Variants in ZNF407 observed in about 807,000 individuals in gnomAD.
The protein encoded by ZNF407 is zinc finger protein 407.
ZNF407 carries 17 observed loss-of-function variants against 131.2 expected under a neutral mutation model. The observed-to-expected ratio is 0.13, with a 90% CI of 0.09 to 0.19. The LOEUF is 0.19. Among genes scored for constraint, ZNF407 ranks in the 10% least tolerant of loss-of-function variants. The pLI is 1.00. For missense variants in ZNF407, 2,681 were observed against 2,830.6 expected (o/e 0.95, Z 1.20); for synonymous variants, 1,156 against 1,062.0 (o/e 1.09, Z -1.72).
At chr18:74,705,233 T>C (rs943379279) in intron 3 of ZNF407, among the ~76,000 whole-genome samples, 1 of 152,124 alleles carries the variant, frequency 6.6e-6, no homozygotes, top group Non-Finnish European at 1.5e-5. Flanking sequence ...GATTTCACTT[T>C]TTGTCTGCTT....
chr18:74,613,708 CA>C (rs1983163111), intron 1 of ZNF407, among the ~76,000 whole-genome samples: 1 of 152,192 alleles, frequency 6.6e-6, no homozygotes, highest in African/African-American at 2.4e-5. Context: ...CTAAATTTAG[CA>C]AATCCAAATT....
chr18:74,878,649 A>G (rs1308294317), intron 5 of ZNF407, among the ~76,000 whole-genome samples: 1 of 152,178 alleles, frequency 6.6e-6, no homozygotes, highest in Non-Finnish European at 1.5e-5. Context: ...CTAATAGAAA[A>G]TAAAGGATTA....
At chr18:74,765,258 G>A (rs1174776607) in intron 3 of ZNF407, among the ~76,000 whole-genome samples, 1 of 151,966 alleles carries the variant, frequency 6.6e-6, no homozygotes, top group East Asian at 1.9e-4. Context: ...TGTTCATTCT[G>A]GGTTGGTTGT....
chr18:74,668,272 A>T (rs1448533762), intron 3 of ZNF407, among the ~76,000 whole-genome samples: 2 of 152,242 alleles, frequency 1.3e-5, no homozygotes, highest in Admixed American at 1.3e-4. Flanking sequence ...GTATTTGTGA[A>T]ACATAAGTGA....
chr18:74,718,361 A>T (rs1361148597), intron 3 of ZNF407, among the ~76,000 whole-genome samples: 1 of 151,852 alleles, frequency 6.6e-6, no homozygotes, highest in African/African-American at 2.4e-5. Context: ...TTCCTTTACA[A>T]AAAGGAAAAA....
At chr18:75,045,387 AGGCTTAAGTTGG>A (rs1045061956) in intron 8 of ZNF407, among the ~76,000 whole-genome samples, 1 of 152,184 alleles carries the variant, frequency 6.6e-6, no homozygotes, top group African/African-American at 2.4e-5. Context: ...TTCCTTTTTC[AGGCTTAAGTTGG>A]GGCATTCAGC....
chr18:75,057,332 A>T (rs1415657262), intron 8 of ZNF407, among the ~76,000 whole-genome samples: 2 of 152,238 alleles, frequency 1.3e-5, no homozygotes, highest in African/African-American at 4.8e-5. Flanking sequence ...TTTTAATGCC[A>T]TCTTTATCTG....
intron 4 of ZNF407, among the ~76,000 whole-genome samples, chr18:74,860,092 G>T (rs1970916144): frequency 6.6e-6 from 1 of 152,134 alleles, no homozygotes; most frequent in African/African-American, 2.4e-5. Context: ...GATTGCTTGA[G>T]CCCAGGAGTT....
intron 8 of ZNF407, among the ~76,000 whole-genome samples, chr18:75,059,048 G>A (rs1285574174): frequency 6.6e-6 from 1 of 152,150 alleles, no homozygotes; most frequent in Admixed American, 6.5e-5. Context: ...GGACTCGCTG[G>A]GCCTGTGCGT....
chr18:74,820,474 G>T (rs1452212343), intron 4 of ZNF407, among the ~76,000 whole-genome samples: 1 of 152,196 alleles, frequency 6.6e-6, no homozygotes, highest in African/African-American at 2.4e-5. Flanking sequence ...CCTGCAAACT[G>T]GTTCAGGGAC....
intron 3 of ZNF407, among the ~76,000 whole-genome samples, chr18:74,685,847 G>T (rs1169206738): frequency 6.6e-6 from 1 of 152,028 alleles, no homozygotes; most frequent in African/African-American, 2.4e-5. Context: ...GTTTCCCTTT[G>T]CCCCCATGGC....
intron 4 of ZNF407, among the ~76,000 whole-genome samples, chr18:74,818,506 A>T (rs901439016): frequency 1.3e-5 from 2 of 152,248 alleles, no homozygotes; most frequent in Admixed American, 1.3e-4. Context: ...GCACATGCAC[A>T]TAAAATGGCT....
At chr18:74,858,972 C>T (rs1432228051) in intron 4 of ZNF407, among the ~76,000 whole-genome samples, 1 of 151,718 alleles carries the variant, frequency 6.6e-6, no homozygotes, top group African/African-American at 2.4e-5. Flanking sequence ...TATTAATGGC[C>T]CCTGAGTACA....
chr18:74,632,400 A>G lies in ZNF407; in HGVS notation c.1381A>G (p.Met461Val), dbSNP rs759144670. The change falls in exon 2 of 9, where the codon ATG becomes GTG. Residue 461 changes from methionine to valine, a missense_variant. Transcript: ENST00000299687. ...TACAAGTGAAACTCAGAGGATGTAT[A>G]TGAAACACTTGAGAACACAGATGAA... is the stretch of plus-strand genomic sequence containing the variant. Reference protein sequence around the residue: ...RGTSETQRMYMKHLRTQMKTH... With the variant: ...RGTSETQRMYVKHLRTQMKTH... The G allele has an allele frequency of 3.1e-6, 5 of 1,614,068 alleles. No homozygotes were observed. Among genetic ancestry groups the G allele is most frequent in the Admixed American group, 1.7e-5 (1 of 60,034 alleles).
chr18:74,801,418 G>A (rs917575287), intron 4 of ZNF407, among the ~76,000 whole-genome samples: 5 of 152,032 alleles, frequency 3.3e-5, no homozygotes. Flanking sequence ...CACAAACGTG[G>A]GCCATGAAAA....
chr18:74,909,528 T>A (rs187258703), intron 7 of ZNF407, among the ~76,000 whole-genome samples: 3 of 152,154 alleles, frequency 2.0e-5, no homozygotes, highest in Admixed American at 2.0e-4. Flanking sequence ...ACTTTCAAAA[T>A]TTTTATTTCA....
intron 7 of ZNF407, among the ~76,000 whole-genome samples, chr18:74,905,001 G>T (rs1293529251): frequency 6.6e-6 from 1 of 152,136 alleles, no homozygotes; most frequent in Non-Finnish European, 1.5e-5. Flanking sequence ...GGACACGGTG[G>T]GTTTTCAACC....
intron 4 of ZNF407, among the ~76,000 whole-genome samples, chr18:74,847,247 TG>T (rs1268729928): frequency 4.6e-5 from 7 of 152,174 alleles, no homozygotes; most frequent in Non-Finnish European, 8.8e-5. Context: ...AACACAGCTT[TG>T]AAGGGTGTTT....
intron 3 of ZNF407, among the ~76,000 whole-genome samples, chr18:74,769,881 A>C (rs1357872829): frequency 6.6e-6 from 1 of 152,234 alleles, no homozygotes; most frequent in Non-Finnish European, 1.5e-5. Context: ...AGACACCTGA[A>C]ACTAGGCCTA....
Sources: gnomAD v4.1 joint callset for allele counts (sites outside exome capture counted in the v4.1 genomes callset) on GRCh38, gnomAD v4.1.1 for gene constraint, MANE v1.5 for transcripts, NCBI Gene and HGNC (gene_info 2026-07-23, HGNC 2026-07-21) for gene names.